Variants in FREM2 observed in about 807,000 individuals in gnomAD.
FREM2 encodes the protein FRAS1 related extracellular matrix 2.
Under a neutral mutation model 219.9 loss-of-function variants are expected in FREM2, and 119 were observed. The ratio of observed to expected loss-of-function variants is 0.54; its 90% CI spans 0.47 to 0.63. FREM2 has a LOEUF of 0.63. Among genes scored for constraint, FREM2 ranks in the 30% least tolerant of loss-of-function variants. FREM2 has a pLI of 0.00. For synonymous variants in FREM2, 1,562 were observed against 1,522.8 expected (o/e 1.03, Z -0.60); for missense variants, 4,030 against 3,993.6 (o/e 1.01, Z -0.25).
chr13:38,706,480 T>C (rs2496433), intron 2 of FREM2, among the ~76,000 whole-genome samples: 35,093 of 152,032 alleles, frequency 0.23, 4,426 homozygotes, highest in East Asian at 0.38. Flanking sequence ...TGAGAAGAGC[T>C]TGTTTTAAAT....
In FREM2 at chr13:38,872,914, C is replaced by A. The variant is rs1878212693; in HGVS notation, c.8156C>A (p.Pro2719His). 1.2e-6 allele frequency: 2 copies of A among 1,613,744 alleles called. No individual in the cohort carries two copies. Among genetic ancestry groups the A allele is most frequent in the Middle Eastern group, 3.4e-4 (2 of 5,946 alleles). Residue 2719 changes from proline (P) to histidine (H), a missense_variant, in exon 17 of 24, where the codon CCC becomes CAC. Transcript: ENST00000280481. ...AILWNDGIGS[P>H]PEAELQGSLY... ...TTGTGGAATGATGGAATTGGCAGCC[C>A]CCCAGAGGCTGAACTTCAAGGTGAG...
chr13:38,802,905 C>T (rs1593416811), intron 6 of FREM2, among the ~76,000 whole-genome samples: 2 of 152,142 alleles, frequency 1.3e-5, no homozygotes, highest in Admixed American at 6.5e-5. Context: ...TTACCCTTTC[C>T]GCACTTGTGG....
intron 6 of FREM2, among the ~76,000 whole-genome samples, chr13:38,825,837 C>T (rs111816126): frequency 0.014 from 2,058 of 152,172 alleles, 51 homozygotes; most frequent in African/African-American, 0.046. Context: ...GCTCCTTTCA[C>T]TCTAGAAAGT....
At chr13:38,750,955 A>G (rs1008381600) in intron 2 of FREM2, among the ~76,000 whole-genome samples, 6 of 151,766 alleles carry the variant, frequency 4.0e-5, no homozygotes, top group African/African-American at 1.5e-4. Context: ...TGGCCTCCCA[A>G]AGCCATGCTG....
In FREM2 at chr13:38,769,618, C is replaced by A. The variant is rs114996526; in HGVS notation, c.5451C>A (p.Asp1817Glu). The change falls in exon 4 of 24, where the codon GAC (aspartate) becomes GAA (glutamate). Residue 1817 changes from aspartate to glutamate, a missense_variant. Asp to Glu is a conservative substitution (Grantham distance 45, BLOSUM62 2). Coordinates refer to ENST00000280481, the MANE Select transcript of FREM2 (RefSeq NM_207361.6). ...ACAGAACTGCAGAAAAAGACAAAGA[C>A]TTCAAGGGCAAAGCACAGAAACAAG... ...TRDRTAEKDK[D>E]FKGKAQKQVQ... 6.2e-7 allele frequency: 1 copy of A among 1,614,140 alleles called. No homozygotes were observed. Among genetic ancestry groups the A allele is most frequent in the Non-Finnish European group, 8.5e-7 (1 of 1,180,000 alleles).
intron 6 of FREM2, among the ~76,000 whole-genome samples, chr13:38,819,538 T>G (rs1371641233): frequency 6.6e-6 from 1 of 152,138 alleles, no homozygotes; most frequent in Non-Finnish European, 1.5e-5. Context: ...AGATATGTAG[T>G]CTGCTAGAGT....
chr13:38,837,063 T>G lies in FREM2; in HGVS notation c.6020-9510T>G, dbSNP rs114190950. Among the ~76,000 whole-genome samples the G allele has an allele frequency of 9.3e-3, 1,412 of 152,328 alleles. 20 individuals are homozygous for G. The highest frequency in any genetic ancestry group is 0.033 in the African/African-American group (1,359 of 41,570). ...TGTTGATTTTAGACCTTTCCCGCTT[T>G]CTTCTGTGAGCATTATTGCTATAAA... On this transcript the variant is annotated intron_variant, in intron 6 of 23. Transcript: ENST00000280481.
intron 6 of FREM2, among the ~76,000 whole-genome samples, chr13:38,795,769 G>T (rs1874746496): frequency 6.6e-6 from 1 of 151,936 alleles, no homozygotes; most frequent in African/African-American, 2.4e-5. Flanking sequence ...CCAACCTCTG[G>T]TATCTATCAT....
In FREM2 at chr13:38,864,540, C is replaced by T. The variant is rs972254354; in HGVS notation, c.7917C>T (p.Phe2639=). The T allele has an allele frequency of 1.4e-5, 23 of 1,614,082 alleles. No homozygotes were observed. Among genetic ancestry groups the T allele is most frequent in the Non-Finnish European group, 5.9e-6 (7 of 1,180,040 alleles). ...NLNLEACLWE[F]VSYYDMSELL... Reference sequence around the variant, plus strand: ...ACCTAGAGGCCTGTTTATGGGAGTTCGTTAGCTACTATGACATGTCAGAAC... The same window carrying T: ...ACCTAGAGGCCTGTTTATGGGAGTTTGTTAGCTACTATGACATGTCAGAAC... The change falls in exon 16 of 24, where the codon TTC becomes TTT. Residue 2639 remains phenylalanine, a synonymous_variant. Transcript: ENST00000280481.
chr13:38,774,948 A>G (rs2137820776), intron 4 of FREM2, among the ~76,000 whole-genome samples: 1 of 152,360 alleles, frequency 6.6e-6, no homozygotes, highest in East Asian at 1.9e-4. Context: ...AAATATGGCC[A>G]GGAACCAGTG....
chr13:38,787,675 G>A (rs1172661846), intron 6 of FREM2, among the ~76,000 whole-genome samples: 1 of 151,344 alleles, frequency 6.6e-6, no homozygotes, highest in African/African-American at 2.4e-5. Flanking sequence ...AAAGATTAAA[G>A]TTATTTCCTA....
intron 2 of FREM2, among the ~76,000 whole-genome samples, chr13:38,720,055 G>A (rs1871160471): frequency 6.6e-6 from 1 of 152,086 alleles, no homozygotes; most frequent in South Asian, 2.1e-4. Flanking sequence ...TTAGGGAAAG[G>A]AAATGAGGGA....
intron 6 of FREM2, among the ~76,000 whole-genome samples, chr13:38,814,091 T>C (rs1309357361): frequency 1.3e-5 from 2 of 152,198 alleles, no homozygotes; most frequent in East Asian, 3.9e-4. Context: ...ATATTCTGAA[T>C]TCCTTCTCTG....
chr13:38,878,174 G>C lies in FREM2; in HGVS notation c.8712G>C (p.Gln2904His). 1 of 1,613,838 alleles carries C rather than the reference G, an allele frequency of 6.2e-7. No individual in the cohort carries two copies. ...GTCGTGTCATGGTGGATCCTGTCCA[G>C]AATCTGGGTGACTCCTTTTACTGCA... ...IYGRVMVDPV[Q>H]NLGDSFYCSI... The change falls in exon 22 of 24, where the codon CAG becomes CAC. Residue 2904 changes from glutamine (Q) to histidine (H), a missense_variant. By Grantham distance (24) the Gln-to-His change is conservative. Around this residue, in one of 2 missense-constraint regions of FREM2, gnomAD observed 928 missense variants for 1,042.9 expected, o/e 0.89. Transcript: ENST00000280481.
chr13:38,758,730 T>C (rs2137803213), intron 2 of FREM2, among the ~76,000 whole-genome samples: 1 of 152,326 alleles, frequency 6.6e-6, no homozygotes, highest in African/African-American at 2.4e-5. Flanking sequence ...ATCACGGAAA[T>C]GGCAATGAAA....
At chr13:38,867,992 C>A (rs1027058252) in intron 16 of FREM2, among the ~76,000 whole-genome samples, 1 of 152,138 alleles carries the variant, frequency 6.6e-6, no homozygotes, top group African/African-American at 2.4e-5. Flanking sequence ...ATCTGGGTAT[C>A]CCTTAGTCTA....
intron 8 of FREM2, 125 bp downstream of exon 8, chr13:38,848,795 A>T: frequency 1.1e-6 from 1 of 873,430 alleles, no homozygotes; most frequent in Admixed American, 2.4e-5. Flanking sequence ...ATAACAAAGT[A>T]GCACTGTCGG....
In FREM2 at chr13:38,691,786, C is replaced by T. The variant is rs777134774; in HGVS notation, c.4442C>T (p.Ser1481Phe). The T allele has an allele frequency of 5.0e-6, 8 of 1,614,200 alleles. No homozygotes were observed. In the East Asian group the frequency reaches 1.8e-4, roughly 36 times the overall value. Reference protein sequence around the residue: ...CTDQPGVSITSFTQLQLAGNK... With the variant: ...CTDQPGVSITFFTQLQLAGNK... ...GATCAGCCTGGTGTGTCCATCACGT[C>T]TTTCACTCAGCTGCAACTGGCTGGA... The change falls in exon 1 of 24, where the codon TCT (serine) becomes TTT (phenylalanine). Residue 1481 changes from serine to phenylalanine, a missense_variant. This residue lies in a region of FREM2 where 3,102 missense variants were observed against 2,950.7 expected (regional missense o/e 1.05). Coordinates refer to ENST00000280481, the MANE Select transcript of FREM2 (RefSeq NM_207361.6).
At chr13:38,777,598 C>T (rs904458643) in intron 4 of FREM2, among the ~76,000 whole-genome samples, 4 of 152,188 alleles carry the variant, frequency 2.6e-5, no homozygotes, top group Admixed American at 1.3e-4. Context: ...TAGAATAGAG[C>T]TTAGCAAATA....
Sources: allele counts gnomAD v4.1 joint callset (sites outside exome capture counted in the v4.1 genomes callset), GRCh38; gene constraint gnomAD v4.1.1; regional missense constraint gnomAD v4.1.1; transcripts MANE v1.5; gene names NCBI Gene and HGNC (gene_info 2026-07-23, HGNC 2026-07-21).